The following PSD2 variants were observed in gnomAD, a reference collection of about 807,000 sequenced individuals.
The protein encoded by PSD2 is pleckstrin and Sec7 domain containing 2.
In PSD2, 38 loss-of-function variants were observed where a neutral mutation model predicts 69.8. That is an observed-to-expected ratio of 0.54 (90% CI 0.42 to 0.71). The LOEUF (loss-of-function observed/expected upper bound fraction) is 0.71. Ranked by LOEUF, PSD2 falls within the 30% of genes least tolerant of loss-of-function variation. The probability of loss-of-function intolerance (pLI) is 0.00; values close to 1 mark genes in which losing one functional copy is unlikely to be tolerated. For synonymous variants in PSD2, 412 were observed against 423.0 expected, an observed-to-expected ratio of 0.97 and a Z score of 0.32; for missense variants, 943 against 1,014.5, an observed-to-expected ratio of 0.93 and a Z score of 0.96.
chr5:139,747,211 CTT>C, the PSD2 span, among the ~76,000 whole-genome samples: 9 of 152,296 alleles, frequency 5.9e-5, no homozygotes, highest in Non-Finnish European at 1.2e-4. The surrounding 1 kb of genome is among the most constrained non-coding windows in gnomAD (Gnocchi z 6.7). Context: ...TCGTTCCTCT[CTT>C]TGTCTGTCTG....
intron 5 of PSD2, among the ~76,000 whole-genome samples, chr5:139,819,041 T>C (rs1463443773): frequency 6.6e-6 from 1 of 152,202 alleles, no homozygotes; most frequent in African/African-American, 2.4e-5. Context: ...CTGTTTCTAT[T>C]GTCTCTTTTT....
At chr5:139,825,345 G>A (rs899292436) in intron 7 of PSD2, among the ~76,000 whole-genome samples, 6 of 152,240 alleles carry the variant, frequency 3.9e-5, no homozygotes, top group Middle Eastern at 3.2e-3. Flanking sequence ...TGGGAATAGC[G>A]CTGCTGTGAA....
At chr5:139,801,204 CAAAAA>C (rs56715764) in intron 1 of PSD2, among the ~76,000 whole-genome samples, 1 of 127,120 alleles carries the variant, frequency 7.9e-6, no homozygotes, top group Admixed American at 8.3e-5. Flanking sequence ...GACTCCATCT[CAAAAA>C]AAAAAAAAAA....
the PSD2 span, among the ~76,000 whole-genome samples, chr5:139,766,828 CTTCTTTCTTTCTTTCTTTCT>C: frequency 3.4e-5 from 3 of 87,736 alleles, no homozygotes; most frequent in South Asian, 8.5e-4. Flanking sequence ...AAGTCCCTTC[CTTCTTTCTTTCTTTCTTTCT>C]TTCTTTCTTT....
intron 7 of PSD2, among the ~76,000 whole-genome samples, chr5:139,828,118 A>T (rs558185322): frequency 6.6e-6 from 1 of 152,310 alleles, no homozygotes; most frequent in South Asian, 2.1e-4. Flanking sequence ...GAGAACGGTG[A>T]TTCGCAAGCT....
At chr5:139,813,147 T>G (rs958335698) in intron 2 of PSD2, among the ~76,000 whole-genome samples, 162 bp from the exon 3 acceptor site, 1 of 152,218 alleles carries the variant, frequency 6.6e-6, no homozygotes, top group Non-Finnish European at 1.5e-5. Context: ...CAGCCTGGTG[T>G]CTGGCACCTT....
At chr5:139,783,971 G>GTTTT in the PSD2 span, among the ~76,000 whole-genome samples, 3 of 98,608 alleles carry the variant, frequency 3.0e-5, no homozygotes, top group South Asian at 3.6e-4. Context: ...TTTAGACAGG[G>GTTTT]TCTTGTTCTG....
At chr5:139,791,433 A>AAAAAC (rs935072408), upstream of PSD2, among the ~76,000 whole-genome samples, 5 of 152,190 alleles carry the variant, frequency 3.3e-5, no homozygotes, top group South Asian at 2.1e-4. Context: ...AAGAAAAACA[A>AAAAAC]AAAACAAAAC....
Position 139,814,273 on chromosome 5 carries a change from G to T in PSD2, c.925G>T (p.Gly309Trp), listed in dbSNP as rs770575129. 1 of 1,613,762 alleles carries T rather than the reference G, an allele frequency of 6.2e-7. No homozygotes were observed. The highest frequency in any genetic ancestry group is 8.5e-7 in the Non-Finnish European group (1 of 1,179,814). Residue 309 changes from glycine to tryptophan, a missense_variant, in exon 4 of 15, where the codon GGG (glycine) becomes TGG (tryptophan). By Grantham distance (184) the Gly-to-Trp change is radical (BLOSUM62 -2). This residue lies in a region of PSD2 where 466 missense variants were observed against 445.0 expected (regional missense o/e 1.05). Coordinates refer to ENST00000274710, the MANE Select transcript of PSD2 (RefSeq NM_032289.4). The surrounding 1 kb of genome is among the most constrained non-coding windows in gnomAD (Gnocchi z 4.4). ...AGACCCTCTGGCCAACGGGTGCCAGGGGGTCAGTGAAGCTGCTCATCGGCT... is the reference window on the plus strand; with the variant it reads ...AGACCCTCTGGCCAACGGGTGCCAGTGGGTCAGTGAAGCTGCTCATCGGCT... ...SADPLANGCQ[G>W]VSEAAHRLAR...
At chr5:139,790,700 A>G in the PSD2 span, among the ~76,000 whole-genome samples, 3 of 152,204 alleles carry the variant, frequency 2.0e-5, no homozygotes, top group Admixed American at 1.3e-4. Context: ...GCATTGTGGC[A>G]GTCACTGAGG....
chr5:139,747,780 C>A, the PSD2 span, among the ~76,000 whole-genome samples: 1 of 152,230 alleles, frequency 6.6e-6, no homozygotes, highest in African/African-American at 2.4e-5. The surrounding 1 kb of genome is among the most constrained non-coding windows in gnomAD (Gnocchi z 6.7). Flanking sequence ...CCCCACCGGG[C>A]CCCCCAGCCA....
At chr5:139,812,857 C>T (rs1256943365) in intron 2 of PSD2, among the ~76,000 whole-genome samples, 1 of 152,152 alleles carries the variant, frequency 6.6e-6, no homozygotes, top group Non-Finnish European at 1.5e-5. Context: ...CGAGGCCTTA[C>T]ATTCATTCAT....
At chr5:139,784,206 G>C in the PSD2 span, among the ~76,000 whole-genome samples, 29 of 151,786 alleles carry the variant, frequency 1.9e-4, no homozygotes, top group African/African-American at 6.8e-4. Context: ...TCCCAAAGTG[G>C]TGGGATTACA....
rs1171904845 is a variant in PSD2 at position 139,839,521 on chromosome 5, T to A, written c.1969-506T>A. Among the ~76,000 whole-genome samples the A allele has an allele frequency of 6.6e-6, 1 of 152,206 alleles. No homozygotes were observed. Among genetic ancestry groups the A allele is most frequent in the Non-Finnish European group, 1.5e-5 (1 of 68,030 alleles). ...CTGTAGTGGGTGGGATGTGTGCGTTTGCCCATCAGCGACAGTGTCTCCGCC... is the reference window on the plus strand; with the variant it reads ...CTGTAGTGGGTGGGATGTGTGCGTTAGCCCATCAGCGACAGTGTCTCCGCC... On this transcript the variant is annotated intron_variant, in intron 13 of 14. Coordinates refer to ENST00000274710, the MANE Select transcript of PSD2 (RefSeq NM_032289.4). The surrounding 1 kb of genome is among the most constrained non-coding windows in gnomAD (Gnocchi z 5.1).
intron 1 of PSD2, among the ~76,000 whole-genome samples, chr5:139,803,973 C>T (rs1403035523): frequency 2.0e-5 from 3 of 152,158 alleles, no homozygotes; most frequent in Non-Finnish European, 4.4e-5. Context: ...CCCTACTGCC[C>T]ATGCTGCCAG....
intron 1 of PSD2, among the ~76,000 whole-genome samples, chr5:139,798,068 G>A (rs1759573696): frequency 6.6e-6 from 1 of 152,226 alleles, no homozygotes; most frequent in Non-Finnish European, 1.5e-5. Flanking sequence ...TTGCCAGATG[G>A]TCTTTTCCAG....
At chr5:139,766,994 T>C in the PSD2 span, among the ~76,000 whole-genome samples, 64 of 145,538 alleles carry the variant, frequency 4.4e-4, 1 homozygote, top group Non-Finnish European at 6.3e-4. Context: ...TCTTTCTTTC[T>C]TTCCTTCTTT....
chr5:139,836,778 T>C (rs1221294815), intron 9 of PSD2, 33 bp from the exon 10 acceptor site: 2 of 1,597,954 alleles, frequency 1.3e-6, no homozygotes, highest in African/African-American at 2.7e-5. Flanking sequence ...GAGGCCTCCC[T>C]GGAGGTGGTG....
the PSD2 span, among the ~76,000 whole-genome samples, chr5:139,749,146 G>A: frequency 1.3e-5 from 2 of 152,120 alleles, no homozygotes; most frequent in Non-Finnish European, 1.5e-5. Flanking sequence ...GACCTGTAGG[G>A]CACCCTCCTG....
Sources: gnomAD v4.1 joint callset for allele counts (sites outside exome capture counted in the v4.1 genomes callset) on GRCh38, gnomAD v4.1.1 for gene constraint, gnomAD v4.1.1 regional missense constraint, Gnocchi (gnomAD v3.1) non-coding constraint, MANE v1.5 for transcripts, NCBI Gene and HGNC (gene_info 2026-07-23, HGNC 2026-07-21) for gene names.